The following TCF20 variants were observed in gnomAD, a reference collection of about 807,000 sequenced individuals.
TCF20 encodes SPRE-binding protein.
In TCF20, 3 loss-of-function variants were observed where a neutral mutation model predicts 148.6. That is an observed-to-expected ratio of 0.02 (90% CI 0.01 to 0.05). The LOEUF is 0.05. Ranked by LOEUF, TCF20 falls within the 10% of genes least tolerant of loss-of-function variation. The pLI is 1.00. For missense variants in TCF20, 2,350 were observed against 2,429.3 expected, an observed-to-expected ratio of 0.97 and a Z score of 0.69; for synonymous variants, 1,049 against 909.5, an observed-to-expected ratio of 1.15 and a Z score of -2.76.
chr22:42,259,756 C>A (rs1221983070), intron 1 of TCF20, among the ~76,000 whole-genome samples: 2 of 152,100 alleles, frequency 1.3e-5, no homozygotes, highest in African/African-American at 2.4e-5. Context: ...CACATTTGGC[C>A]CACTGTGTAT....
At chr22:42,183,776 CTTT>C (rs58819800) in intron 2 of TCF20, among the ~76,000 whole-genome samples, 18 of 140,088 alleles carry the variant, frequency 1.3e-4, no homozygotes, top group Non-Finnish European at 1.1e-4. Context: ...CTTTTAGGTT[CTTT>C]TTTTTTTTTT....
chr22:42,266,930 A>G (rs190622756), intron 1 of TCF20, among the ~76,000 whole-genome samples: 1 of 152,326 alleles, frequency 6.6e-6, no homozygotes, highest in East Asian at 1.9e-4. Context: ...TTCCCTTGTA[A>G]GTTTTATAAG....
intron 1 of TCF20, among the ~76,000 whole-genome samples, chr22:42,303,764 A>G (rs546525410): frequency 6.6e-6 from 1 of 152,000 alleles, no homozygotes; most frequent in South Asian, 2.1e-4. Context: ...GCTCAGGCCA[A>G]AGGGAGGAGG....
chr22:42,271,579 G>T (rs1241773788), upstream of TCF20, among the ~76,000 whole-genome samples: 1 of 152,214 alleles, frequency 6.6e-6, no homozygotes, highest in Non-Finnish European at 1.5e-5. Context: ...AGCAAGAGTA[G>T]GATGCGTTGA....
chr22:42,311,110 G>A (rs544552621), intron 1 of TCF20, among the ~76,000 whole-genome samples: 3 of 152,276 alleles, frequency 2.0e-5, no homozygotes, highest in Admixed American at 6.5e-5. Flanking sequence ...TCGGGGGACA[G>A]GGGGGTGGCC....
chr22:42,171,616 TA>T (rs1046483388), intron 3 of TCF20, among the ~76,000 whole-genome samples: 2 of 152,124 alleles, frequency 1.3e-5, no homozygotes, highest in African/African-American at 4.8e-5. Context: ...AGCAAGGCAA[TA>T]AATGAAATGT....
chr22:42,239,001 C>T (rs1270162273), intron 1 of TCF20, among the ~76,000 whole-genome samples: 1 of 151,958 alleles, frequency 6.6e-6, no homozygotes, highest in Admixed American at 6.6e-5. Context: ...ACCTGTAGTC[C>T]CAGCTACTCG....
chr22:42,196,404 T>A (rs1045952395), intron 2 of TCF20, among the ~76,000 whole-genome samples: 3 of 152,182 alleles, frequency 2.0e-5, no homozygotes, highest in Non-Finnish European at 4.4e-5. Context: ...ACAAATACAT[T>A]TCATTTTTGA....
At chr22:42,331,176 C>T (rs994667296) in intron 1 of TCF20, among the ~76,000 whole-genome samples, 10 of 152,216 alleles carry the variant, frequency 6.6e-5, no homozygotes, top group African/African-American at 2.2e-4. Context: ...GGCAGCGCCG[C>T]GGAGCGCGAC....
At chr22:42,271,333 T>C (rs1300108594), upstream of TCF20, among the ~76,000 whole-genome samples, 1 of 152,248 alleles carries the variant, frequency 6.6e-6, no homozygotes, top group African/African-American at 2.4e-5. Flanking sequence ...TGCCTTCTGC[T>C]GCGGCATTAA....
chr22:42,339,933 T>C (rs982382677), intron 1 of TCF20, among the ~76,000 whole-genome samples: 3 of 152,114 alleles, frequency 2.0e-5, no homozygotes, highest in African/African-American at 7.2e-5. Flanking sequence ...GAGACAAGAA[T>C]GGGCCTGGGA....
intron 1 of TCF20, among the ~76,000 whole-genome samples, chr22:42,268,512 A>G (rs1309924938): frequency 6.6e-6 from 1 of 152,162 alleles, no homozygotes; most frequent in South Asian, 2.1e-4. Flanking sequence ...TCATCCCCCT[A>G]CTCTGAGAAT....
intron 1 of TCF20, among the ~76,000 whole-genome samples, chr22:42,337,103 G>A (rs753746522): frequency 2.0e-5 from 3 of 152,080 alleles, no homozygotes; most frequent in Non-Finnish European, 2.9e-5. Flanking sequence ...TCTCCATGGC[G>A]CAGTCAGATC....
At chr22:42,314,144 T>C (rs1042483608) in intron 1 of TCF20, among the ~76,000 whole-genome samples, 3 of 152,170 alleles carry the variant, frequency 2.0e-5, no homozygotes, top group Non-Finnish European at 4.4e-5. Context: ...TAGGGGCCCC[T>C]TGTGGCCACT....
chr22:42,263,673 C>T (rs1926139173), intron 1 of TCF20, among the ~76,000 whole-genome samples: 2 of 152,202 alleles, frequency 1.3e-5, no homozygotes, highest in African/African-American at 4.8e-5. Flanking sequence ...AAGAAGACAA[C>T]ACTACACATC....
chr22:42,166,896 G>A (rs1935822305), intron 5 of TCF20, among the ~76,000 whole-genome samples: 1 of 152,176 alleles, frequency 6.6e-6, no homozygotes, highest in African/African-American at 2.4e-5. Flanking sequence ...GGGTGACAAT[G>A]GGAAGGCACA....
intron 3 of TCF20, among the ~76,000 whole-genome samples, chr22:42,171,072 A>G (rs1331545914): frequency 6.6e-6 from 1 of 152,208 alleles, no homozygotes; most frequent in East Asian, 1.9e-4. Context: ...TTGTAACATG[A>G]TGACAGCATC....
At chr22:42,228,258 C>A (rs1923087465) in intron 1 of TCF20, among the ~76,000 whole-genome samples, 1 of 151,976 alleles carries the variant, frequency 6.6e-6, no homozygotes, top group African/African-American at 2.4e-5. Flanking sequence ...GACACACAGT[C>A]AAAACGGACA....
chr22:42,192,704 G>A (rs1222091501), intron 2 of TCF20, among the ~76,000 whole-genome samples: 1 of 152,178 alleles, frequency 6.6e-6, no homozygotes, highest in African/African-American at 2.4e-5. Context: ...AGCTTCAGTG[G>A]GGTCATTTAA....
Sources: gnomAD v4.1 joint callset for allele counts (sites outside exome capture counted in the v4.1 genomes callset) on GRCh38, gnomAD v4.1.1 for gene constraint, MANE v1.5 for transcripts, NCBI Gene and HGNC (gene_info 2026-07-23, HGNC 2026-07-21) for gene names.